FBXO45: variants seen among roughly 807,000 people sequenced by gnomAD.
FBXO45 encodes the protein F-box protein 45.
FBXO45 carries 3 observed loss-of-function variants against 25.5 expected under a neutral mutation model. The ratio of observed to expected loss-of-function variants is 0.12; its 90% CI spans 0.05 to 0.30. The LOEUF is 0.30. Ranked by LOEUF, FBXO45 falls within the 10% of genes least tolerant of loss-of-function variation. FBXO45 has a pLI of 1.00. For missense variants in FBXO45, 219 were observed against 365.0 expected (o/e 0.60, Z 3.26); for synonymous variants, 155 against 149.8 (o/e 1.03, Z -0.25).
At chr3:196,582,702 C>T (rs1238421086) in intron 2 of FBXO45, among the ~76,000 whole-genome samples, 2 of 151,540 alleles carry the variant, frequency 1.3e-5, no homozygotes, top group African/African-American at 4.9e-5. Flanking sequence ...ATCAGTGCTG[C>T]TGTTTTTTAT....
At chr3:196,574,638 G>T (rs1361073402) in intron 1 of FBXO45, among the ~76,000 whole-genome samples, 1 of 152,124 alleles carries the variant, frequency 6.6e-6, no homozygotes, top group Non-Finnish European at 1.5e-5. Context: ...GATCAATTTA[G>T]ATTAGATTAG....
In FBXO45 at chr3:196,568,835, C is replaced by T; in HGVS notation, c.-150C>T. On this transcript the variant is annotated 5_prime_UTR_variant, in exon 1 of 3. Transcript: ENST00000311630. Reference sequence around the variant, plus strand: ...GGGGCGCGCGGCGGACGCCCCCGGGCAGGGGCGGGAGTGGTGGAGGCGCCG... The same window carrying T: ...GGGGCGCGCGGCGGACGCCCCCGGGTAGGGGCGGGAGTGGTGGAGGCGCCG... 1 of 431,602 alleles carries T rather than the reference C, an allele frequency of 2.3e-6. No homozygotes were observed. Among genetic ancestry groups the T allele is most frequent in the Non-Finnish European group, 3.1e-6 (1 of 323,604 alleles). 26.7% of individuals were successfully genotyped at this position (431,602 alleles called of 1,614,324 possible). A position where few individuals can be genotyped will look rare whatever the true frequency, so the allele number is the denominator to read the frequency against.
In FBXO45 at chr3:196,569,029, T is replaced by C. The variant is rs1735714749; in HGVS notation, c.45T>C (p.Ala15=). ...GGGCTGGGGCAGCCTCGGGCGGCGC[T>C]GGCTGTAGCGGCGGCGGCGCGGGCG... The part of the protein sequence containing the change: ...APGAGAASGG[A]GCSGGGAGAG... Residue 15 remains alanine, a synonymous_variant, in exon 1 of 3, where the codon GCT becomes GCC. Coordinates refer to ENST00000311630, the MANE Select transcript of FBXO45 (RefSeq NM_001105573.2). The surrounding 1 kb of genome is among the most constrained non-coding windows in gnomAD (Gnocchi z 4.1). 5.7e-6 allele frequency: 6 copies of C among 1,045,180 alleles called. No homozygotes were observed. Among genetic ancestry groups the C allele is most frequent in the Non-Finnish European group, 6.9e-6 (6 of 872,070 alleles). The allele number at this position is 1,045,180 out of a possible 1,614,324, so 64.7% of individuals were successfully genotyped here. A position where few individuals can be genotyped will look rare whatever the true frequency, so the allele number is the denominator to read the frequency against.
At chr3:196,579,756 A>G (rs921944688) in intron 2 of FBXO45, among the ~76,000 whole-genome samples, 6 of 152,020 alleles carry the variant, frequency 3.9e-5, no homozygotes, top group African/African-American at 1.2e-4. Context: ...TATCCTTGCT[A>G]ATTTGTCTTT....
rs1222907376 is a variant in FBXO45, at chr3:196,587,413, A to G, written c.*3095A>G. 1.3e-5 allele frequency: 2 copies of G among 152,238 alleles called. No homozygotes were observed. The highest frequency in any genetic ancestry group is 2.9e-5 in the Non-Finnish European group (2 of 68,038). The allele number at this position is 152,238 out of a possible 1,614,324, so 9.4% of individuals were successfully genotyped here. A position where few individuals can be genotyped will look rare whatever the true frequency, so the allele number is the denominator to read the frequency against. On this transcript the variant is annotated 3_prime_UTR_variant, in exon 3 of 3. Coordinates refer to ENST00000311630, the MANE Select transcript of FBXO45 (RefSeq NM_001105573.2). ...TATGGATTCAATAAGACACCAAAAGAAAGTAAGATTTACCCAGTTAATATT... is the reference window on the plus strand; with the variant it reads ...TATGGATTCAATAAGACACCAAAAGGAAGTAAGATTTACCCAGTTAATATT...
At chr3:196,581,262 C>T (rs1276203832) in intron 2 of FBXO45, among the ~76,000 whole-genome samples, 1 of 89,616 alleles carries the variant, frequency 1.1e-5, no homozygotes, top group East Asian at 4.1e-4. Flanking sequence ...GAGACAGTCT[C>T]ACTCTGTCGT....
intron 2 of FBXO45, among the ~76,000 whole-genome samples, chr3:196,583,375 G>A (rs1258881204): frequency 2.0e-5 from 3 of 151,930 alleles, no homozygotes; most frequent in South Asian, 2.1e-4. Context: ...GCGTGGTGGC[G>A]GGCACCTGTA....
At chr3:196,573,747 C>G (rs975999351) in intron 1 of FBXO45, among the ~76,000 whole-genome samples, 5 of 151,284 alleles carry the variant, frequency 3.3e-5, no homozygotes, top group African/African-American at 1.2e-4. Flanking sequence ...TTTTTAAGTT[C>G]ATATTTTACA....
Position 196,584,099 on chromosome 3 carries a change from G to T in FBXO45, c.676-34G>T. Reference sequence around the variant, plus strand: ...GTTTCTTCTAGCTACACCCTTGGCAGATTTTCTTCTAACCTTTTGATATCT... The same window carrying T: ...GTTTCTTCTAGCTACACCCTTGGCATATTTTCTTCTAACCTTTTGATATCT... On this transcript the variant is annotated intron_variant, in intron 2 of 2. Coordinates refer to ENST00000311630, the MANE Select transcript of FBXO45 (RefSeq NM_001105573.2). The surrounding 1 kb of genome is among the most constrained non-coding windows in gnomAD (Gnocchi z 4.3). 6.2e-7 allele frequency: 1 copy of T among 1,602,370 alleles called. No homozygotes were observed. Among genetic ancestry groups the T allele is most frequent in the South Asian group, 1.1e-5 (1 of 89,310 alleles).
intron 1 of FBXO45, among the ~76,000 whole-genome samples, chr3:196,570,490 GCCTCCCAGA>G (rs2108725105): frequency 6.6e-6 from 1 of 152,172 alleles, no homozygotes; most frequent in Non-Finnish European, 1.5e-5. Flanking sequence ...GCCCTCCTCG[GCCTCCCAGA>G]GTGCTGGGAT....
At chr3:196,578,647 C>T (rs1293749510) in intron 2 of FBXO45, among the ~76,000 whole-genome samples, 1 of 152,054 alleles carries the variant, frequency 6.6e-6, no homozygotes, top group East Asian at 1.9e-4. Context: ...TTATGGGCTG[C>T]AGGACAGATT....
In FBXO45 at chr3:196,586,732, G is replaced by A. The variant is rs1049135206; in HGVS notation, c.*2414G>A. 6.6e-6 allele frequency: 1 copy of A among 152,172 alleles called. No individual in the cohort carries two copies. Among genetic ancestry groups the A allele is most frequent in the Non-Finnish European group, 1.5e-5 (1 of 68,042 alleles). 9.4% of individuals were successfully genotyped at this position (152,172 alleles called of 1,614,324 possible). A position where few individuals can be genotyped will look rare whatever the true frequency, so the allele number is the denominator to read the frequency against. ...ATACACTTTGTAGTCACTTTGGAAT[G>A]TTGGAAGACACATCGATGCTTGGGT... is the stretch of plus-strand genomic sequence containing the variant. On this transcript the variant is annotated 3_prime_UTR_variant, in exon 3 of 3. Transcript: ENST00000311630.
At chr3:196,580,513 CG>C (rs1735990679) in intron 2 of FBXO45, among the ~76,000 whole-genome samples, 1 of 152,012 alleles carries the variant, frequency 6.6e-6, no homozygotes, top group South Asian at 2.1e-4. Flanking sequence ...CCTGGCGAGA[CG>C]GGGTTTCTCC....
intron 1 of FBXO45, among the ~76,000 whole-genome samples, chr3:196,575,648 A>G (rs1284496714): frequency 6.7e-6 from 1 of 150,238 alleles, no homozygotes; most frequent in Non-Finnish European, 1.5e-5. Flanking sequence ...TTCCTTCCCC[A>G]TTTAATCTTC....
rs951907507 is a variant in FBXO45, at chr3:196,569,104, C to T, written c.120C>T (p.Pro40=). 8.6e-6 allele frequency: 13 copies of T among 1,505,214 alleles called. 1 individual carries two copies. The Admixed American group carries it at 1.4e-4, about 17-fold the overall frequency. The allele number at this position is 1,505,214 out of a possible 1,614,324, so 93.2% of individuals were successfully genotyped here. A position where few individuals can be genotyped will look rare whatever the true frequency, so the allele number is the denominator to read the frequency against. The change falls in exon 1 of 3, where the codon CCC becomes CCT. Residue 40 remains proline, a synonymous_variant. Transcript: ENST00000311630. The surrounding 1 kb of genome is among the most constrained non-coding windows in gnomAD (Gnocchi z 4.1). ...SGAAGAGGRL[P]SRVLELVFSY... Reference sequence around the variant, plus strand: ...CCGCGGGGGCCGGGGGCCGGCTGCCCAGCCGGGTGCTGGAGTTGGTGTTCT... The same window carrying T: ...CCGCGGGGGCCGGGGGCCGGCTGCCTAGCCGGGTGCTGGAGTTGGTGTTCT...
Position 196,584,105 on chromosome 3 carries a change from C to T in FBXO45, c.676-28C>T, listed in dbSNP as rs1736063274. ...TCTAGCTACACCCTTGGCAGATTTT[C>T]TTCTAACCTTTTGATATCTGTTTGC... On this transcript the variant is annotated intron_variant, in intron 2 of 2. Coordinates refer to ENST00000311630, the MANE Select transcript of FBXO45 (RefSeq NM_001105573.2). This position sits in a 1 kb window ranked among gnomAD's most constrained non-coding sequence, Gnocchi z 4.3. 1 of 1,606,872 alleles carries T rather than the reference C, an allele frequency of 6.2e-7. No individual in the cohort carries two copies. The highest frequency in any genetic ancestry group is 1.7e-5 in the Admixed American group (1 of 58,254).
chr3:196,585,857 C>T lies in FBXO45; in HGVS notation c.*1539C>T, dbSNP rs1206650945. On this transcript the variant is annotated 3_prime_UTR_variant, in exon 3 of 3. Transcript: ENST00000311630. The stretch of plus-strand genomic sequence containing the variant: ...TTTGTTTTAAATCTGATTAGGGACA[C>T]CCAGCAGCTGGCCGGGATTCTTGGA... 6.6e-6 allele frequency: 1 copy of T among 152,170 alleles called. No homozygotes were observed. The highest frequency in any genetic ancestry group is 1.5e-5 in the Non-Finnish European group (1 of 68,034). 9.4% of individuals were successfully genotyped at this position (152,170 alleles called of 1,614,324 possible).
intron 1 of FBXO45, among the ~76,000 whole-genome samples, chr3:196,576,008 A>G (rs1735908026): frequency 6.6e-6 from 1 of 152,170 alleles, no homozygotes; most frequent in South Asian, 2.1e-4. Flanking sequence ...TGGTCTTATA[A>G]GTGCCTTAAA....
At chr3:196,583,327 G>GA (rs1384884339) in intron 2 of FBXO45, among the ~76,000 whole-genome samples, 11 of 152,058 alleles carry the variant, frequency 7.2e-5, no homozygotes, top group African/African-American at 2.7e-4. Context: ...CTAACACGGT[G>GA]AAACCCGTCT....
Sources: gnomAD v4.1 joint callset for allele counts (sites outside exome capture counted in the v4.1 genomes callset) on GRCh38, gnomAD v4.1.1 for gene constraint, Gnocchi (gnomAD v3.1) non-coding constraint, MANE v1.5 for transcripts, NCBI Gene and HGNC (gene_info 2026-07-23, HGNC 2026-07-21) for gene names.